The following AKR1E2 variants were observed in gnomAD, a reference collection of about 807,000 sequenced individuals.
The protein encoded by AKR1E2 is aldo-keto reductase family 1 member E2.
AKR1E2 carries 43 observed loss-of-function variants against 41.9 expected under a neutral mutation model. The ratio of observed to expected loss-of-function variants is 1.03; its 90% confidence interval spans 0.80 to 1.32. The LOEUF is 1.32. Among genes scored for constraint, AKR1E2 ranks in the 40% most tolerant of loss-of-function variants. The pLI, the probability that AKR1E2 is intolerant of heterozygous loss-of-function variation, is 0.00. For missense variants in AKR1E2, 423 were observed against 396.5 expected, an observed-to-expected ratio of 1.07 and a Z score of -0.57; for synonymous variants, 121 against 138.9, an observed-to-expected ratio of 0.87 and a Z score of 0.91.
chr10:4,856,211 A>C, the AKR1E2 span, among the ~76,000 whole-genome samples: 1 of 152,248 alleles, frequency 6.6e-6, no homozygotes, highest in Admixed American at 6.5e-5. Context: ...TAAAGGGTTA[A>C]ATAATTGTCT....
intron 5 of AKR1E2, among the ~76,000 whole-genome samples, chr10:4,839,164 A>C (rs1045275621): frequency 1.3e-5 from 2 of 152,232 alleles, no homozygotes; most frequent in Non-Finnish European, 2.9e-5. Context: ...TTTTCATTCA[A>C]GTCACCTGTA....
At chr10:4,835,088 C>A (rs1328850296) in intron 3 of AKR1E2, among the ~76,000 whole-genome samples, 1 of 152,220 alleles carries the variant, frequency 6.6e-6, no homozygotes, top group East Asian at 1.9e-4. Context: ...AATAAACATG[C>A]CTATGCCATT....
At chr10:4,849,117 A>G (rs992536560), downstream of AKR1E2, among the ~76,000 whole-genome samples, 2 of 152,170 alleles carry the variant, frequency 1.3e-5, no homozygotes, top group African/African-American at 4.8e-5. Context: ...CAAGAGCTTC[A>G]TGGGAGCCTC....
At chr10:4,826,803 G>C (rs966630804) in intron 1 of AKR1E2, among the ~76,000 whole-genome samples, 2 of 152,164 alleles carry the variant, frequency 1.3e-5, no homozygotes, top group Non-Finnish European at 2.9e-5. Flanking sequence ...GGGGCCGGGC[G>C]TGGGGTGCGG....
the AKR1E2 span, among the ~76,000 whole-genome samples, chr10:4,860,455 A>G: frequency 6.6e-6 from 1 of 152,288 alleles, no homozygotes; most frequent in Admixed American, 6.5e-5. Flanking sequence ...TCTCTGAGGA[A>G]CCTTTATGAC....
rs1008572173 is a variant in AKR1E2, at chr10:4,826,271, C to T, written c.-54C>T. ...CAGCGCCGCAGTAGCTCGCGCGGTGCCTGTCGGTAGTCGCGTGCGGGGCGG... is the reference window on the plus strand; with the variant it reads ...CAGCGCCGCAGTAGCTCGCGCGGTGTCTGTCGGTAGTCGCGTGCGGGGCGG... On this transcript the variant is annotated 5_prime_UTR_variant, in exon 1 of 10. Transcript: ENST00000298375. 1.1e-5 allele frequency: 13 copies of T among 1,220,106 alleles called. No homozygotes were observed. In the Admixed American group the frequency reaches 3.4e-4, roughly 32 times the overall value. 75.6% of individuals were successfully genotyped at this position (1,220,106 alleles called of 1,614,324 possible). A position where few individuals can be genotyped will look rare whatever the true frequency, so the allele number is the denominator to read the frequency against.
chr10:4,849,314 T>G (rs2167699), downstream of AKR1E2, among the ~76,000 whole-genome samples: 31,085 of 144,134 alleles, frequency 0.22, 3,343 homozygotes, highest in Middle Eastern at 0.35. Flanking sequence ...TTATCATTCA[T>G]TAGCTGTGTG....
At chr10:4,842,984 T>C (rs1834010386) in intron 8 of AKR1E2, among the ~76,000 whole-genome samples, 1 of 152,194 alleles carries the variant, frequency 6.6e-6, no homozygotes, top group Non-Finnish European at 1.5e-5. Flanking sequence ...TCCTGTCTAG[T>C]GACTTCTGAG....
At chr10:4,841,949 G>A (rs1833923253) in intron 7 of AKR1E2, 92 bp downstream of exon 7, 8 of 1,194,946 alleles carry the variant, frequency 6.7e-6, no homozygotes, top group Admixed American at 2.4e-5. Flanking sequence ...CCCAGGAAGG[G>A]ACTGGCTCAC....
At chr10:4,868,582 C>T in the AKR1E2 span, among the ~76,000 whole-genome samples, 1 of 152,206 alleles carries the variant, frequency 6.6e-6, no homozygotes, top group Non-Finnish European at 1.5e-5. Flanking sequence ...TTGGCTAAAA[C>T]TTTTAGCACT....
intron 1 of AKR1E2, among the ~76,000 whole-genome samples, chr10:4,827,929 T>A (rs995560228): frequency 1.3e-5 from 2 of 152,174 alleles, no homozygotes; most frequent in African/African-American, 4.8e-5. Flanking sequence ...TAAGGAAAAA[T>A]TAGTGAAAAC....
intron 8 of AKR1E2, among the ~76,000 whole-genome samples, chr10:4,843,908 G>A (rs75729616): frequency 0.032 from 4,819 of 152,304 alleles, 130 homozygotes; most frequent in East Asian, 0.11. Flanking sequence ...AAGCCTGAAA[G>A]GTATGGATTT....
downstream of AKR1E2, among the ~76,000 whole-genome samples, chr10:4,850,079 GC>G: frequency 6.6e-6 from 1 of 152,284 alleles, no homozygotes; most frequent in Middle Eastern, 3.4e-3. Flanking sequence ...TGATAACCCG[GC>G]CCCTCTTGTC....
chr10:4,847,355 G>A (rs531720524), intron 9 of AKR1E2, 125 bp downstream of exon 9: 2 of 1,544,300 alleles, frequency 1.3e-6, no homozygotes, highest in Admixed American at 3.8e-5. Flanking sequence ...ATTCTTTCCT[G>A]TTTGAAGATG....
the AKR1E2 span, among the ~76,000 whole-genome samples, chr10:4,863,454 T>C: frequency 3.3e-5 from 5 of 151,616 alleles, no homozygotes; most frequent in African/African-American, 1.2e-4. Flanking sequence ...GGGACACATT[T>C]AAAGCAATGT....
In AKR1E2 at chr10:4,840,695, C is replaced by T. The variant is rs1833809017; in HGVS notation, c.680+869C>T. Among the ~76,000 whole-genome samples the T allele has an allele frequency of 1.3e-5, 2 of 152,174 alleles. 1 individual carries two copies. Among genetic ancestry groups the T allele is most frequent in the Admixed American group, 1.3e-4 (2 of 15,272 alleles). ...AGAACATGTTTTCTCACCTCTGTGC[C>T]TTTGCAAATACTGTTCTCTTTACCC... On this transcript the variant is annotated intron_variant, in intron 6 of 9. Transcript: ENST00000298375.
chr10:4,855,414 G>A, the AKR1E2 span, among the ~76,000 whole-genome samples: 514 of 142,594 alleles, frequency 3.6e-3, 1 homozygote, highest in African/African-American at 0.012. Flanking sequence ...CCAAGCAGAC[G>A]TGTCAGTTAT....
the AKR1E2 span, among the ~76,000 whole-genome samples, chr10:4,862,804 G>C: frequency 1.3e-5 from 2 of 152,076 alleles, no homozygotes; most frequent in Non-Finnish European, 2.9e-5. Flanking sequence ...AAAAGGCAGG[G>C]GTTGCAATCC....
chr10:4,860,578 T>C, the AKR1E2 span, among the ~76,000 whole-genome samples: 1 of 152,228 alleles, frequency 6.6e-6, no homozygotes, highest in African/African-American at 2.4e-5. Flanking sequence ...CATAGAAATA[T>C]ATCCATGTTT....
Sources: gnomAD v4.1 joint callset for allele counts (sites outside exome capture counted in the v4.1 genomes callset) on GRCh38, gnomAD v4.1.1 for gene constraint, MANE v1.5 for transcripts, NCBI Gene and HGNC (gene_info 2026-07-23, HGNC 2026-07-21) for gene names.